Variants in EGFLAM observed in about 807,000 individuals in gnomAD.
EGFLAM encodes the protein pikachurin.
Under a neutral mutation model 113.1 loss-of-function variants are expected in EGFLAM, and 79 were observed. That is an observed-to-expected ratio of 0.70 (90% CI 0.58 to 0.84). The LOEUF is 0.84. EGFLAM is among the 40% of genes least tolerant of loss of function. EGFLAM has a pLI of 0.00. For synonymous variants in EGFLAM, 504 were observed against 487.6 expected (o/e 1.03, Z -0.44); for missense variants, 1,265 against 1,291.6 (o/e 0.98, Z 0.32).
At chr5:38,265,921 C>T (rs1757622734) in intron 1 of EGFLAM, among the ~76,000 whole-genome samples, 1 of 152,210 alleles carries the variant, frequency 6.6e-6, no homozygotes, top group Non-Finnish European at 1.5e-5. Context: ...CTCCCACTGC[C>T]TCCCTCTCCC....
intron 14 of EGFLAM, 137 bp from the exon 15 acceptor site, chr5:38,431,040 T>C (rs1223057517): frequency 6.8e-6 from 5 of 733,890 alleles, no homozygotes; most frequent in Non-Finnish European, 1.1e-5. Flanking sequence ...TTTACTAAGT[T>C]TACTGATTCA....
chr5:38,411,343 G>A (rs560146070), intron 10 of EGFLAM, among the ~76,000 whole-genome samples: 7 of 152,142 alleles, frequency 4.6e-5, no homozygotes, highest in Non-Finnish European at 8.8e-5. Context: ...TGGGAGAATC[G>A]CTTGAACCTG....
intron 3 of EGFLAM, among the ~76,000 whole-genome samples, chr5:38,343,528 G>A (rs2451002): frequency 0.47 from 70,951 of 151,788 alleles, 18,491 homozygotes; most frequent in Admixed American, 0.58. Flanking sequence ...CCTGCAGTAC[G>A]CAGGACAGAT....
At position 38,370,398 on chromosome 5, in the gene EGFLAM, G is replaced by C; in HGVS notation, c.648G>C (p.Val216=). Residue 216 remains valine (V), a synonymous_variant, in exon 6 of 22, where the codon GTG becomes GTC. Coordinates refer to ENST00000322350, the MANE Select transcript of EGFLAM (RefSeq NM_152403.4). ...LDPDTNYQFA[V]RAMNSHGPSP... ...CAGATACCAACTACCAGTTTGCCGT[G>C]AGGGCAATGAATTCCCATGGCCCCA... The C allele has an allele frequency of 1.2e-6, 2 of 1,614,208 alleles. No homozygotes were observed. Among genetic ancestry groups the C allele is most frequent in the Non-Finnish European group, 1.7e-6 (2 of 1,180,042 alleles).
intron 6 of EGFLAM, among the ~76,000 whole-genome samples, chr5:38,371,427 C>T (rs1366011203): frequency 6.6e-6 from 1 of 152,032 alleles, no homozygotes; most frequent in Non-Finnish European, 1.5e-5. Context: ...CACAAAGCAC[C>T]CACACAGCTG....
chr5:38,409,153 C>T (rs1421028125), intron 10 of EGFLAM, 49 bp downstream of exon 10: 2 of 1,412,892 alleles, frequency 1.4e-6, no homozygotes, highest in African/African-American at 1.4e-5. Flanking sequence ...CATTATCTTA[C>T]ATTATATTTG....
At chr5:38,342,966 C>T (rs969394706) in intron 3 of EGFLAM, among the ~76,000 whole-genome samples, 2 of 152,186 alleles carry the variant, frequency 1.3e-5, no homozygotes, top group Admixed American at 6.5e-5. Flanking sequence ...CACCACCACC[C>T]TGCTTTAGAG....
intron 13 of EGFLAM, among the ~76,000 whole-genome samples, chr5:38,426,806 T>G (rs974549953): frequency 1.3e-5 from 2 of 152,092 alleles, no homozygotes; most frequent in Non-Finnish European, 2.9e-5. Flanking sequence ...GAGGGAAGTT[T>G]TAGGGGCCAG....
chr5:38,406,994 G>T lies in EGFLAM; in HGVS notation c.995G>T (p.Gly332Val), dbSNP rs1466376136. The change falls in exon 8 of 22, where the codon GGG becomes GTG. Residue 332 changes from glycine (G) to valine (V), a missense_variant. Gly to Val is a moderately radical substitution (Grantham distance 109). Transcript: ENST00000322350. ...APQPIPIQRK[G>V]KNGVAIMSRL... Reference sequence around the variant, plus strand: ...CAGCCCATTCCCATACAGAGAAAGGGGAAGAATGGTGTGGCCATAATGTCA... The same window carrying T: ...CAGCCCATTCCCATACAGAGAAAGGTGAAGAATGGTGTGGCCATAATGTCA... The T allele has an allele frequency of 6.2e-7, 1 of 1,614,206 alleles. No individual in the cohort carries two copies. Among genetic ancestry groups the T allele is most frequent in the Admixed American group, 1.7e-5 (1 of 60,032 alleles).
chr5:38,354,442 CT>C (rs1739709777), intron 5 of EGFLAM, among the ~76,000 whole-genome samples: 1 of 152,114 alleles, frequency 6.6e-6, no homozygotes. Flanking sequence ...AAAATGCACA[CT>C]TCTGGCCAGG....
At chr5:38,422,274 G>A (rs774567248) in intron 12 of EGFLAM, among the ~76,000 whole-genome samples, 1 of 152,074 alleles carries the variant, frequency 6.6e-6, no homozygotes, top group Non-Finnish European at 1.5e-5. Flanking sequence ...TATTGATAAT[G>A]AGGTCTGTGT....
chr5:38,424,909 A>G (rs1219663288), intron 12 of EGFLAM, 58 bp from the exon 13 acceptor site: 12 of 1,592,994 alleles, frequency 7.5e-6, no homozygotes, highest in African/African-American at 1.3e-5. Flanking sequence ...GGTCAGCGCC[A>G]CTGTGTTGGA....
At chr5:38,429,981 G>A in intron 14 of EGFLAM, 1 of 216,846 alleles carries the variant, frequency 4.6e-6, no homozygotes, top group South Asian at 8.3e-5. Flanking sequence ...GGGCCTTGTG[G>A]TTAAGAGCAG....
chr5:38,363,522 TA>T (rs1175367290), intron 5 of EGFLAM, among the ~76,000 whole-genome samples: 1 of 152,226 alleles, frequency 6.6e-6, no homozygotes, highest in Non-Finnish European at 1.5e-5. Flanking sequence ...GAATCACAAG[TA>T]TTTTCTTATC....
chr5:38,292,310 G>C (rs186958434), intron 1 of EGFLAM, among the ~76,000 whole-genome samples: 11 of 152,096 alleles, frequency 7.2e-5, no homozygotes, highest in Admixed American at 4.6e-4. Flanking sequence ...TGATTTCATT[G>C]TCCACTCCTT....
In EGFLAM at chr5:38,338,751, C is replaced by T. The variant is rs752980145; in HGVS notation, c.261C>T (p.Ser87=). 33 of 1,614,208 alleles carry T rather than the reference C, an allele frequency of 2.0e-5. No homozygotes were observed. Among genetic ancestry groups the T allele is most frequent in the East Asian group, 4.5e-5 (2 of 44,882 alleles). The part of the protein sequence containing the change: ...ADKSLQEQLH[S]VPLSRDIPTT... ...AATCCCTGCAGGAGCAGTTGCACAG[C>T]GTGCCTCTCAGCCGGGACATCCCGA... The change falls in exon 3 of 22, where the codon AGC becomes AGT. Residue 87 remains serine (S), a synonymous_variant. Transcript: ENST00000322350.
chr5:38,321,674 G>A (rs1418737601), intron 1 of EGFLAM, among the ~76,000 whole-genome samples: 1 of 152,166 alleles, frequency 6.6e-6, no homozygotes, highest in Non-Finnish European at 1.5e-5. Context: ...GTCTAAACAG[G>A]AACCACTGCT....
chr5:38,383,428 T>C (rs1292145768), intron 6 of EGFLAM, among the ~76,000 whole-genome samples: 2 of 151,868 alleles, frequency 1.3e-5, no homozygotes, highest in Non-Finnish European at 2.9e-5. Context: ...TTTTTTTTTT[T>C]TAACATTACC....
intron 3 of EGFLAM, among the ~76,000 whole-genome samples, chr5:38,348,002 A>T (rs1739518033): frequency 6.6e-6 from 1 of 152,036 alleles, no homozygotes; most frequent in South Asian, 2.1e-4. Context: ...TGAGGGGTGT[A>T]GAGTGAACTC....
Sources: gnomAD v4.1 joint callset for allele counts (sites outside exome capture counted in the v4.1 genomes callset) on GRCh38, gnomAD v4.1.1 for gene constraint, MANE v1.5 for transcripts, NCBI Gene and HGNC (gene_info 2026-07-23, HGNC 2026-07-21) for gene names.